The following HIC1 variants were observed in gnomAD, a reference collection of about 807,000 sequenced individuals.
HIC1 encodes HIC ZBTB transcriptional repressor 1.
In HIC1, 9 loss-of-function variants were observed where a neutral mutation model predicts 26.4. The ratio of observed to expected loss-of-function variants is 0.34; its 90% CI spans 0.21 to 0.59. HIC1 has a LOEUF of 0.59. Among genes scored for constraint, HIC1 ranks in the 20% least tolerant of loss-of-function variants. HIC1 has a pLI of 0.82. For missense variants in HIC1, 965 were observed against 1,075.7 expected (o/e 0.90, Z 1.44); for synonymous variants, 631 against 523.1 (o/e 1.21, Z -2.81).
chr17:2,056,203 C>A, intron 1 of HIC1: 1 of 995,492 alleles, frequency 1.0e-6, no homozygotes, highest in Admixed American at 1.7e-5. Context: ...GCACCGCGCT[C>A]CCCTCCTCCG....
chr17:2,061,722 C>T lies in HIC1; in HGVS notation c.*2887C>T. On this transcript the variant is annotated 3_prime_UTR_variant, in exon 2 of 2. Transcript: ENST00000619757. ...GAATGTGGTCCTGGGGAGGGGGTGC[C>T]ACGCTAGCCGTGTCTTGGCTCTTCT... 1 of 1,352,184 alleles carries T rather than the reference C, an allele frequency of 7.4e-7. No individual in the cohort carries two copies. 83.8% of individuals were successfully genotyped at this position (1,352,184 alleles called of 1,614,324 possible). A position where few individuals can be genotyped will look rare whatever the true frequency, so the allele number is the denominator to read the frequency against.
rs2067737236 is a variant in HIC1, at chr17:2,060,344, G to T, written c.*1509G>T. The T allele has an allele frequency of 6.6e-6, 1 of 152,284 alleles. No homozygotes were observed. The highest frequency in any genetic ancestry group is 2.1e-4 in the South Asian group (1 of 4,834). The allele number at this position is 152,284 out of a possible 1,614,324, so 9.4% of individuals were successfully genotyped here. On this transcript the variant is annotated 3_prime_UTR_variant, in exon 2 of 2. Transcript: ENST00000619757. The stretch of plus-strand genomic sequence containing the variant: ...CCCTGTGTCAGTGTCAGTTTTTCCG[G>T]GGAGTGAGGGCAAAGCTAGAAACCA...
At chr17:2,056,016 C>CT (rs2067668879) in intron 1 of HIC1, among the ~76,000 whole-genome samples, 1 of 146,984 alleles carries the variant, frequency 6.8e-6, no homozygotes, top group Admixed American at 6.7e-5. Flanking sequence ...TGGCTCCCCC[C>CT]TCCCCCCCAC....
chr17:2,056,731 T>TG lies in HIC1; in HGVS notation c.42dup (p.Leu15AlafsTer46). The TG allele has an allele frequency of 6.2e-7, 1 of 1,610,312 alleles. No individual in the cohort carries two copies. Among genetic ancestry groups the TG allele is most frequent in the Non-Finnish European group, 8.5e-7 (1 of 1,178,430 alleles). ...GAGGCGCCCGGCCACTCCAGGCAGC[T>TG]GCTGCTGCAGCTCAACAACCAGCGC... On this transcript the variant is annotated frameshift_variant, in exon 2 of 2. Transcript: ENST00000619757. LOFTEE classifies it low-confidence loss of function (END_TRUNC).
chr17:2,061,806 A>G lies in HIC1; in HGVS notation c.*2971A>G. The G allele has an allele frequency of 1.6e-6, 1 of 627,980 alleles. No homozygotes were observed. The highest frequency in any genetic ancestry group is 2.7e-6 in the Non-Finnish European group (1 of 364,416). 38.9% of individuals were successfully genotyped at this position (627,980 alleles called of 1,614,324 possible). On this transcript the variant is annotated 3_prime_UTR_variant, in exon 2 of 2. Coordinates refer to ENST00000619757, the MANE Select transcript of HIC1 (RefSeq NM_006497.4). ...CGGGGACCCTCCCCTGCTGGCCTAG[A>G]GAGGGCTGCACTGGGCTTCTGCCTT...
chr17:2,056,443 C>T, intron 1 of HIC1: 1 of 1,405,786 alleles, frequency 7.1e-7, no homozygotes, highest in Non-Finnish European at 1.0e-6. Context: ...GCCGCCCTGG[C>T]CTCCCCTCCA....
Position 2,057,741 on chromosome 17 carries a change from C to A in HIC1, c.1051C>A (p.Pro351Thr), listed in dbSNP as rs182733310. ...GGACGCGGCCGTCTCGCCCGGGGGG[C>A]CCCCGCTCGGCCTGGCGCCGCCGCC... ...GGDAAVSPGG[P>T]PLGLAPPPRY... is the part of the protein sequence containing the mutation. The change falls in exon 2 of 2, where the codon CCC becomes ACC. Residue 351 changes from proline (P) to threonine (T), a missense_variant. Transcript: ENST00000619757. 2.9e-6 allele frequency: 4 copies of A among 1,387,888 alleles called. No homozygotes were observed. The highest frequency in any genetic ancestry group is 7.1e-5 in the Admixed American group (2 of 28,232). 86.0% of individuals were successfully genotyped at this position (1,387,888 alleles called of 1,614,324 possible).
At chr17:2,056,076 G>C (rs1363390996) in intron 1 of HIC1, 4 of 149,790 alleles carry the variant, frequency 2.7e-5, no homozygotes, top group Non-Finnish European at 5.4e-5. Context: ...TCCCCGCGCC[G>C]GGCCCGGCCT....
Position 2,057,294 on chromosome 17 carries a change from T to C in HIC1, c.604T>C (p.Ser202Pro). The change falls in exon 2 of 2, where the codon TCG (serine) becomes CCG (proline). Residue 202 changes from serine (S) to proline (P), a missense_variant. Physicochemically the swap from Ser to Pro is moderately conservative, Grantham distance 74 (BLOSUM62 -1). Coordinates refer to ENST00000619757, the MANE Select transcript of HIC1 (RefSeq NM_006497.4). ...VNTHCAELYA[S>P]GPGPAAALCA... The stretch of plus-strand genomic sequence containing the variant: ...CACGCACTGCGCCGAGCTGTACGCG[T>C]CGGGACCCGGCCCGGCCGCCGCACT... 1.3e-6 allele frequency: 2 copies of C among 1,485,526 alleles called. No individual in the cohort carries two copies. Among genetic ancestry groups the C allele is most frequent in the Non-Finnish European group, 1.8e-6 (2 of 1,125,736 alleles). 92.0% of individuals were successfully genotyped at this position (1,485,526 alleles called of 1,614,324 possible). A position where few individuals can be genotyped will look rare whatever the true frequency, so the allele number is the denominator to read the frequency against.
Position 2,060,765 on chromosome 17 carries a change from C to T in HIC1, c.*1930C>T, listed in dbSNP as rs1311663646. The stretch of plus-strand genomic sequence containing the variant: ...GCCACCCGAGAGCACGGGCCTGAGA[C>T]CAGATGCCCCTTTCCTCTAGACTCA... On this transcript the variant is annotated 3_prime_UTR_variant, in exon 2 of 2. Coordinates refer to ENST00000619757, the MANE Select transcript of HIC1 (RefSeq NM_006497.4). 3 of 152,206 alleles carry T rather than the reference C, an allele frequency of 2.0e-5. No homozygotes were observed. Among genetic ancestry groups the T allele is most frequent in the Admixed American group, 2.0e-4 (3 of 15,278 alleles). The allele number at this position is 152,206 out of a possible 1,614,324, so 9.4% of individuals were successfully genotyped here. A position where few individuals can be genotyped will look rare whatever the true frequency, so the allele number is the denominator to read the frequency against.
rs1323002927 is a variant in HIC1 at position 2,057,063 on chromosome 17, C to A, written c.373C>A (p.Leu125Met). The change falls in exon 2 of 2, where the codon CTG (leucine) becomes ATG (methionine). Residue 125 changes from leucine (L) to methionine (M), a missense_variant. Leu to Met is a conservative substitution (Grantham distance 15). Around this residue, in one of 6 missense-constraint regions of HIC1, gnomAD observed 526 missense variants for 525.0 expected, o/e 1.00. Coordinates refer to ENST00000619757, the MANE Select transcript of HIC1 (RefSeq NM_006497.4). Reference protein sequence around the residue: ...SYLQIPDLVALCKKRLKRHGK... With the variant: ...SYLQIPDLVAMCKKRLKRHGK... ...CCTGCAGATCCCCGACCTCGTGGCG[C>A]TGTGCAAGAAACGCCTCAAGCGCCA... The A allele has an allele frequency of 6.8e-7, 1 of 1,462,818 alleles. No homozygotes were observed. The highest frequency in any genetic ancestry group is 9.0e-7 in the Non-Finnish European group (1 of 1,114,284). The allele number at this position is 1,462,818 out of a possible 1,614,324, so 90.6% of individuals were successfully genotyped here. A position where few individuals can be genotyped will look rare whatever the true frequency, so the allele number is the denominator to read the frequency against.
Position 2,058,307 on chromosome 17 carries a change from G to A in HIC1, c.1617G>A (p.Leu539=), listed in dbSNP as rs746630708. 4.3e-6 allele frequency: 7 copies of A among 1,609,476 alleles called. No individual in the cohort carries two copies. Among genetic ancestry groups the A allele is most frequent in the African/African-American group, 1.3e-5 (1 of 74,858 alleles). Residue 539 remains leucine (L), a synonymous_variant, in exon 2 of 2, where the codon CTG becomes CTA. Coordinates refer to ENST00000619757, the MANE Select transcript of HIC1 (RefSeq NM_006497.4). ...GTMTRHMRSH[L]GLKPFACDAC... is the part of the protein sequence containing the mutation. ...TGACGCGCCACATGCGCAGCCACCTGGGCCTCAAGCCCTTCGCGTGCGACG... is the reference window on the plus strand; with the variant it reads ...TGACGCGCCACATGCGCAGCCACCTAGGCCTCAAGCCCTTCGCGTGCGACG...
intron 1 of HIC1, 181 bp from the exon 2 acceptor site, chr17:2,056,490 C>T: frequency 4.5e-6 from 6 of 1,330,054 alleles, no homozygotes; most frequent in Admixed American, 1.9e-5. Flanking sequence ...TCTCCTGGTC[C>T]GGGCGGGCCG....
Position 2,058,831 on chromosome 17 carries a change from C to G in HIC1, c.2141C>G (p.Thr714Ser), listed in dbSNP as rs746888597. 6.8e-7 allele frequency: 1 copy of G among 1,460,092 alleles called. No individual in the cohort carries two copies. Among genetic ancestry groups the G allele is most frequent in the Non-Finnish European group, 9.0e-7 (1 of 1,111,312 alleles). 90.4% of individuals were successfully genotyped at this position (1,460,092 alleles called of 1,614,324 possible). A position where few individuals can be genotyped will look rare whatever the true frequency, so the allele number is the denominator to read the frequency against. ...DGRTIDRFSP[T>S] ...CGGACCATCGACCGTTTCTCTCCCA[C>G]CTAGAGCGCCCCTCGCCAGCCCGCT... is the stretch of plus-strand genomic sequence containing the variant. Residue 714 changes from threonine to serine, a missense_variant, in exon 2 of 2, where the codon ACC (threonine) becomes AGC (serine). By Grantham distance (58) the Thr-to-Ser change is moderately conservative. Coordinates refer to ENST00000619757, the MANE Select transcript of HIC1 (RefSeq NM_006497.4).
rs746888597 is a variant in HIC1 at position 2,058,831 on chromosome 17, C to T, written c.2141C>T (p.Thr714Ile). ...CGGACCATCGACCGTTTCTCTCCCA[C>T]CTAGAGCGCCCCTCGCCAGCCCGCT... is the stretch of plus-strand genomic sequence containing the variant. ...DGRTIDRFSP[T>I] The change falls in exon 2 of 2, where the codon ACC (threonine) becomes ATC (isoleucine). Residue 714 changes from threonine (T) to isoleucine (I), a missense_variant. Physicochemically the swap from Thr to Ile is moderately conservative, Grantham distance 89. Transcript: ENST00000619757. 5.5e-6 allele frequency: 8 copies of T among 1,459,978 alleles called. No homozygotes were observed. The Admixed American group carries it at 7.5e-5, about 14-fold the overall frequency. 90.4% of individuals were successfully genotyped at this position (1,459,978 alleles called of 1,614,324 possible). A position where few individuals can be genotyped will look rare whatever the true frequency, so the allele number is the denominator to read the frequency against.
In HIC1 at chr17:2,057,692, C is replaced by G. The variant is rs1262877509; in HGVS notation, c.1002C>G (p.Ser334Arg). ...TGGGCCGGGAGCGCGGCTCCCCCAG[C>G]GAGCGCTGCGAAGAGCGTGGTGGGG... The part of the protein sequence containing the change: ...DELGRERGSP[S>R]ERCEERGGDA... The change falls in exon 2 of 2, where the codon AGC (serine) becomes AGG (arginine). Residue 334 changes from serine (S) to arginine (R), a missense_variant. Coordinates refer to ENST00000619757, the MANE Select transcript of HIC1 (RefSeq NM_006497.4). 1.3e-6 allele frequency: 2 copies of G among 1,486,068 alleles called. No homozygotes were observed. Among genetic ancestry groups the G allele is most frequent in the African/African-American group, 1.5e-5 (1 of 68,578 alleles). The allele number at this position is 1,486,068 out of a possible 1,614,324, so 92.1% of individuals were successfully genotyped here.
Position 2,056,892 on chromosome 17 carries a change from G to A in HIC1, c.202G>A (p.Asp68Asn). 1 of 1,612,876 alleles carries A rather than the reference G, an allele frequency of 6.2e-7. No individual in the cohort carries two copies. The highest frequency in any genetic ancestry group is 1.1e-5 in the South Asian group (1 of 91,066). The change falls in exon 2 of 2, where the codon GAC (aspartate) becomes AAC (asparagine). Residue 68 changes from aspartate (D) to asparagine (N), a missense_variant. This residue lies in a region of HIC1 where 64 missense variants were observed against 114.0 expected (regional missense o/e 0.56). Coordinates refer to ENST00000619757, the MANE Select transcript of HIC1 (RefSeq NM_006497.4). ...TGACAACCTGCTCAACCTGGACCAT[G>A]ACATGGTGAGCCCGGCCGTGTTCCG... ...VHDNLLNLDH[D>N]MVSPAVFRLV...
rs912645986 is a variant in HIC1 at position 2,055,883 on chromosome 17, C to T, written c.-21+645C>T. On this transcript the variant is annotated intron_variant, in intron 1 of 1. Transcript: ENST00000619757. The surrounding 1 kb of genome is among the most constrained non-coding windows in gnomAD (Gnocchi z 6.4). ...GAGCCGCGGAGGGAGGCGCCGGGCC[C>T]GCGCGTGTAGGGCCCAGGCCGAGGC... 1.3e-5 allele frequency among the ~76,000 whole-genome samples: 2 copies of T among 150,924 alleles called. No homozygotes were observed. The highest frequency in any genetic ancestry group is 2.4e-5 in the African/African-American group (1 of 41,224).
rs2151377655 is a variant in HIC1, at chr17:2,061,977, A to G, written c.*3142A>G. 1 of 187,110 alleles carries G rather than the reference A, an allele frequency of 5.3e-6. No homozygotes were observed. Among genetic ancestry groups the G allele is most frequent in the South Asian group, 1.1e-4 (1 of 9,330 alleles). The allele number at this position is 187,110 out of a possible 1,614,324, so 11.6% of individuals were successfully genotyped here. ...TTACCACATGGCTGGCCCCCAGATC[A>G]CAACACCGCTCTCCCCACACCCCAC... On this transcript the variant is annotated 3_prime_UTR_variant, in exon 2 of 2. Coordinates refer to ENST00000619757, the MANE Select transcript of HIC1 (RefSeq NM_006497.4).
Sources: gnomAD v4.1 joint callset for allele counts (sites outside exome capture counted in the v4.1 genomes callset) on GRCh38, gnomAD v4.1.1 for gene constraint, gnomAD v4.1.1 regional missense constraint, Gnocchi (gnomAD v3.1) non-coding constraint, MANE v1.5 for transcripts, NCBI Gene and HGNC (gene_info 2026-07-23, HGNC 2026-07-21) for gene names.